The following FOCAD variants were observed in gnomAD, a reference collection of about 807,000 sequenced individuals.
FOCAD encodes the protein KIAA1797.
A neutral mutation model predicts 225.6 loss-of-function variants in FOCAD; 198 were observed. That is an observed-to-expected ratio of 0.88 (90% CI 0.78 to 0.99). The LOEUF is 0.99. Among genes scored for constraint, FOCAD ranks in the 50% least tolerant of loss-of-function variants. The pLI is 0.00. For missense variants in FOCAD, 2,713 were observed against 2,123.6 expected, an observed-to-expected ratio of 1.28 and a Z score of -5.46; for synonymous variants, 897 against 755.0, an observed-to-expected ratio of 1.19 and a Z score of -3.08.
chr9:20,851,707 G>A lies in FOCAD; in HGVS notation c.1921-10871G>A, dbSNP rs530268311. On this transcript the variant is annotated intron_variant, in intron 15 of 43. Coordinates refer to ENST00000338382, the MANE Select transcript of FOCAD (RefSeq NM_001375567.1). Reference sequence around the variant, plus strand: ...GTGTGATGAGATCCTTTCACCACAGGGTATTCAAGTGTACATTAAAGTTAA... The same window carrying A: ...GTGTGATGAGATCCTTTCACCACAGAGTATTCAAGTGTACATTAAAGTTAA... Among the ~76,000 whole-genome samples the A allele has an allele frequency of 1.8e-4, 28 of 151,804 alleles. 1 individual carries two copies. The South Asian group carries it at 5.4e-3, about 29-fold the overall frequency.
At chr9:20,895,332 A>G (rs902580279) in intron 21 of FOCAD, among the ~76,000 whole-genome samples, 4 of 151,786 alleles carry the variant, frequency 2.6e-5, no homozygotes, top group Non-Finnish European at 5.9e-5. Flanking sequence ...ATTTGAATCA[A>G]TTTGTTGTTA....
chr9:20,990,712 C>T (rs912823214), intron 42 of FOCAD, among the ~76,000 whole-genome samples: 7 of 152,140 alleles, frequency 4.6e-5, no homozygotes, highest in East Asian at 1.9e-4. Context: ...TGAGGGTCGA[C>T]GGGAAGGCAA....
chr9:20,893,592 T>C (rs991540172), intron 21 of FOCAD, among the ~76,000 whole-genome samples: 2 of 152,142 alleles, frequency 1.3e-5, no homozygotes, highest in African/African-American at 4.8e-5. Flanking sequence ...GGATATTCTA[T>C]ACCCTTCACA....
At chr9:20,907,293 A>C (rs1322715966) in intron 22 of FOCAD, 51 bp downstream of exon 22, 458 of 1,411,998 alleles carry the variant, frequency 3.2e-4, no homozygotes, top group Middle Eastern at 5.3e-4. Flanking sequence ...TCCTTATCTC[A>C]TGTTTTGCTA....
chr9:20,939,876 G>C (rs1040912329), intron 28 of FOCAD, among the ~76,000 whole-genome samples: 1 of 150,884 alleles, frequency 6.6e-6, no homozygotes, highest in Non-Finnish European at 1.5e-5. Flanking sequence ...TACATTAGGC[G>C]TATCTCCTAA....
chr9:20,955,439 C>T (rs1462733551), intron 35 of FOCAD, among the ~76,000 whole-genome samples: 1 of 151,902 alleles, frequency 6.6e-6, no homozygotes, highest in Non-Finnish European at 1.5e-5. Context: ...TTCATGCAGA[C>T]CCACATTTTA....
At chr9:20,758,020 G>A in intron 5 of FOCAD, 70 bp from the exon 6 acceptor site, 2 of 972,860 alleles carry the variant, frequency 2.1e-6, no homozygotes, top group Non-Finnish European at 3.1e-6. Context: ...CTTCTTTGCT[G>A]CTATATTTGG....
chr9:20,946,379 G>A (rs1837179369), intron 29 of FOCAD, among the ~76,000 whole-genome samples: 1 of 152,174 alleles, frequency 6.6e-6, no homozygotes, highest in Non-Finnish European at 1.5e-5. Context: ...TAGGTGCTGT[G>A]CTCTGGCATA....
chr9:20,724,720 A>G (rs1223677011), intron 4 of FOCAD, among the ~76,000 whole-genome samples: 2 of 152,026 alleles, frequency 1.3e-5, no homozygotes, highest in Non-Finnish European at 2.9e-5. Context: ...TATACTTTGT[A>G]CCGTTTATGT....
At chr9:20,994,958 T>G (rs2132734701) in intron 43 of FOCAD, among the ~76,000 whole-genome samples, 1 of 126,942 alleles carries the variant, frequency 7.9e-6, no homozygotes, top group East Asian at 2.5e-4. Flanking sequence ...TCAATACATT[T>G]GTATTAATAT....
chr9:20,833,340 G>A (rs907872605), intron 15 of FOCAD, among the ~76,000 whole-genome samples: 1 of 151,932 alleles, frequency 6.6e-6, no homozygotes, highest in African/African-American at 2.4e-5. Flanking sequence ...GTTTGTCCTG[G>A]TATAAAAGCC....
chr9:20,684,064 GC>G (rs1166907710), upstream of FOCAD: 1 of 152,306 alleles, frequency 6.6e-6, no homozygotes, highest in Non-Finnish European at 1.5e-5. Context: ...CGGCTGCAGA[GC>G]GCGGGTCCGC....
Position 20,862,657 on chromosome 9 carries a change from T to C in FOCAD, c.2000T>C (p.Leu667Pro), listed in dbSNP as rs768881654. The change falls in exon 16 of 44, where the codon CTG becomes CCG. Residue 667 changes from leucine (L) to proline (P), a missense_variant. Coordinates refer to ENST00000338382, the MANE Select transcript of FOCAD (RefSeq NM_001375567.1). ...CDTRPLILKT[L>P]SELFSLVPSL... ...ACAAGACCTCTCATTCTGAAGACACTGAGTGAACTATTTTCTCTAGTTCCT... is the reference window on the plus strand; with the variant it reads ...ACAAGACCTCTCATTCTGAAGACACCGAGTGAACTATTTTCTCTAGTTCCT... The C allele has an allele frequency of 6.2e-7, 1 of 1,613,606 alleles. No individual in the cohort carries two copies. The highest frequency in any genetic ancestry group is 8.5e-7 in the Non-Finnish European group (1 of 1,179,648).
At chr9:20,692,072 G>A (rs1462101571) in intron 1 of FOCAD, among the ~76,000 whole-genome samples, 1 of 152,160 alleles carries the variant, frequency 6.6e-6, no homozygotes, top group Non-Finnish European at 1.5e-5. Flanking sequence ...TTAAATACTA[G>A]TAATACCCTA....
intron 1 of FOCAD, among the ~76,000 whole-genome samples, chr9:20,707,407 C>A (rs1428838694): frequency 6.6e-6 from 1 of 152,070 alleles, no homozygotes; most frequent in East Asian, 1.9e-4. Flanking sequence ...ATACAGTTGA[C>A]CCTTGAACAA....
intron 11 of FOCAD, among the ~76,000 whole-genome samples, chr9:20,800,667 A>G (rs1174858598): frequency 6.6e-6 from 1 of 152,008 alleles, no homozygotes. Flanking sequence ...GCATTCGTCA[A>G]ATAGTTCTCG....
At chr9:20,916,403 C>T (rs10964755) in intron 23 of FOCAD, among the ~76,000 whole-genome samples, 53,499 of 151,884 alleles carry the variant, frequency 0.35, 9,637 homozygotes, top group East Asian at 0.46. Flanking sequence ...AAACACATAG[C>T]GACTATTTCA....
chr9:20,765,051 G>A lies in FOCAD; in HGVS notation c.677G>A (p.Cys226Tyr), dbSNP rs762899573. 6.2e-7 allele frequency: 1 copy of A among 1,613,622 alleles called. No homozygotes were observed. Among genetic ancestry groups the A allele is most frequent in the Non-Finnish European group, 8.5e-7 (1 of 1,179,828 alleles). Residue 226 changes from cysteine to tyrosine, a missense_variant, in exon 7 of 44, where the codon TGT (cysteine) becomes TAT (tyrosine). Physicochemically the swap from Cys to Tyr is radical, Grantham distance 194 (BLOSUM62 -2). Coordinates refer to ENST00000338382, the MANE Select transcript of FOCAD (RefSeq NM_001375567.1). ...ILEQQILQLCCDIVPCLQVKD... is the reference protein window; with the variant it reads ...ILEQQILQLCYDIVPCLQVKD... Reference sequence around the variant, plus strand: ...GAACAGCAGATACTTCAACTGTGTTGTGACATAGTTCCATGTTTGCAGGTA... The same window carrying A: ...GAACAGCAGATACTTCAACTGTGTTATGACATAGTTCCATGTTTGCAGGTA...
At chr9:20,801,144 C>T (rs1322844538) in intron 11 of FOCAD, among the ~76,000 whole-genome samples, 4 of 152,056 alleles carry the variant, frequency 2.6e-5, no homozygotes, top group Admixed American at 2.0e-4. Context: ...GTATCAGCAG[C>T]GGAGGCTGCA....
Sources: allele counts gnomAD v4.1 joint callset (sites outside exome capture counted in the v4.1 genomes callset), GRCh38; gene constraint gnomAD v4.1.1; transcripts MANE v1.5; gene names NCBI Gene and HGNC (gene_info 2026-07-23, HGNC 2026-07-21).